CLK4: variants seen among roughly 807,000 people sequenced by gnomAD.
The protein encoded by CLK4 is CDC like kinase 4.
A neutral mutation model predicts 64.4 loss-of-function variants in CLK4; 37 were observed. The observed-to-expected ratio is 0.57, with a 90% CI of 0.44 to 0.76. The LOEUF is 0.76. Among genes scored for constraint, CLK4 ranks in the 30% least tolerant of loss-of-function variants. CLK4 has a pLI of 0.00. For missense variants in CLK4, 457 were observed against 605.1 expected (o/e 0.76, Z 2.57); for synonymous variants, 175 against 191.6 (o/e 0.91, Z 0.72).
In CLK4 at chr5:178,605,356, T is replaced by G. The variant is rs1764452677; in HGVS notation, c.1161A>C (p.Ala387=). The G allele has an allele frequency of 6.3e-7, 1 of 1,595,430 alleles. No individual in the cohort carries two copies. Among genetic ancestry groups the G allele is most frequent in the Non-Finnish European group, 8.5e-7 (1 of 1,173,574 alleles). Residue 387 remains alanine, a synonymous_variant, in exon 11 of 13, where the codon GCA becomes GCC. Coordinates refer to ENST00000316308, the MANE Select transcript of CLK4 (RefSeq NM_020666.3). The part of the protein sequence containing the change: ...FQTHDSKEHL[A]MMERILGPIP... Reference sequence around the variant, plus strand: ...TGGGTCCTAATATTCGTTCCATCATTGCCAGGTGCTCTTTACTATCATGAG... The same window carrying G: ...TGGGTCCTAATATTCGTTCCATCATGGCCAGGTGCTCTTTACTATCATGAG...
chr5:178,617,643 G>A lies in CLK4; in HGVS notation c.385-209C>T. The A allele has an allele frequency of 2.4e-6, 1 of 420,098 alleles. No homozygotes were observed. The highest frequency in any genetic ancestry group is 3.9e-6 in the Non-Finnish European group (1 of 255,870). The allele number at this position is 420,098 out of a possible 1,614,324, so 26.0% of individuals were successfully genotyped here. On this transcript the variant is annotated intron_variant, in intron 3 of 12. Transcript: ENST00000316308. This position sits in a 1 kb window ranked among gnomAD's most constrained non-coding sequence, Gnocchi z 5.2. The stretch of plus-strand genomic sequence containing the variant: ...ATGTTACAGAAGAAAAACATGGCAA[G>A]GAACAGATTTTCAGATAAGATACTT...
chr5:178,620,863 C>CA (rs1302912180), intron 2 of CLK4, among the ~76,000 whole-genome samples: 1 of 151,930 alleles, frequency 6.6e-6, no homozygotes, highest in African/African-American at 2.4e-5. Flanking sequence ...AGAATAATTA[C>CA]AAAAAAGATG....
At chr5:178,619,806 C>T in intron 2 of CLK4, 1 of 1,289,444 alleles carries the variant, frequency 7.8e-7, no homozygotes, top group South Asian at 1.2e-5. Context: ...GACATAGATT[C>T]AATTGGCCCA....
In CLK4 at chr5:178,618,603, G is replaced by C; in HGVS notation, c.337C>G (p.Pro113Ala). The C allele has an allele frequency of 5.6e-6, 9 of 1,613,990 alleles. No individual in the cohort carries two copies. The highest frequency in any genetic ancestry group is 7.6e-6 in the Non-Finnish European group (9 of 1,179,972). The change falls in exon 3 of 13, where the codon CCT (proline) becomes GCT (alanine). Residue 113 changes from proline (P) to alanine (A), a missense_variant. Transcript: ENST00000316308. ...CAGTGTCTATTGCGCTTCCTTTTAGGACTGCTTCTCCTGCTGCGGACTGAA... is the reference window on the plus strand; with the variant it reads ...CAGTGTCTATTGCGCTTCCTTTTAGCACTGCTTCTCCTGCTGCGGACTGAA... ...KSSVRSRRSS[P>A]KRKRNRHCSS... is the part of the protein sequence containing the mutation.
At chr5:178,625,901 G>A (rs1429885355) in intron 1 of CLK4, among the ~76,000 whole-genome samples, 1 of 152,202 alleles carries the variant, frequency 6.6e-6, no homozygotes, top group Admixed American at 6.5e-5. Flanking sequence ...CACGTTCTAC[G>A]TGGTAAGGTT....
chr5:178,620,568 ATT>A (rs1764695254), intron 2 of CLK4: 1 of 452,590 alleles, frequency 2.2e-6, no homozygotes, highest in Non-Finnish European at 4.4e-6. Flanking sequence ...GACTGATTTA[ATT>A]TTTTAAAATA....
At position 178,612,664 on chromosome 5, in the gene CLK4, A is replaced by G. The variant is rs187298625; in HGVS notation, c.922-119T>C. On this transcript the variant is annotated intron_variant, in intron 8 of 12. Transcript: ENST00000316308. ...CAAAGTAAGCTCATGAGAAAGGCAA[A>G]GAAGGATTACTTCTTTTTGGTTAAA... The G allele has an allele frequency of 2.5e-5, 30 of 1,204,778 alleles. No homozygotes were observed. The East Asian group carries it at 6.9e-4, about 28-fold the overall frequency. 74.6% of individuals were successfully genotyped at this position (1,204,778 alleles called of 1,614,324 possible). A position where few individuals can be genotyped will look rare whatever the true frequency, so the allele number is the denominator to read the frequency against.
chr5:178,625,209 G>T (rs778434734), intron 1 of CLK4, among the ~76,000 whole-genome samples: 25 of 152,012 alleles, frequency 1.6e-4, no homozygotes, highest in Non-Finnish European at 2.8e-4. Flanking sequence ...ACGCAGTGGC[G>T]CCTCATCCCT....
In CLK4 at chr5:178,603,541, A is replaced by G; in HGVS notation, c.*76T>C. The G allele has an allele frequency of 2.9e-6, 3 of 1,043,488 alleles. No homozygotes were observed. The highest frequency in any genetic ancestry group is 4.0e-6 in the Non-Finnish European group (3 of 750,752). 64.6% of individuals were successfully genotyped at this position (1,043,488 alleles called of 1,614,324 possible). On this transcript the variant is annotated 3_prime_UTR_variant, in exon 13 of 13. Coordinates refer to ENST00000316308, the MANE Select transcript of CLK4 (RefSeq NM_020666.3). ...ATAATTTAATGTTTACAAAAATATT[A>G]GAATGTTTAGTTGACTGACACAGTC...
At position 178,603,760 on chromosome 5, in the gene CLK4, G is replaced by A; in HGVS notation, c.1306-3C>T. On this transcript the variant is annotated splice_polypyrimidine_tract_variant and splice_region_variant and intron_variant, in intron 12 of 12. Coordinates refer to ENST00000316308, the MANE Select transcript of CLK4 (RefSeq NM_020666.3). The stretch of plus-strand genomic sequence containing the variant: ...TCATCATGACAAAGCATAAATTCCT[G>A]GGGGAGAAATGTTTTTGTTTTAAAA... The A allele has an allele frequency of 1.3e-6, 2 of 1,581,964 alleles. No homozygotes were observed. The highest frequency in any genetic ancestry group is 1.4e-5 in the African/African-American group (1 of 73,022).
intron 2 of CLK4, chr5:178,619,732 G>A (rs917411554): frequency 1.6e-6 from 2 of 1,234,112 alleles, no homozygotes; most frequent in South Asian, 1.3e-5. Flanking sequence ...GAATTTCAAA[G>A]GTCATGGGCC....
At position 178,618,612 on chromosome 5, in the gene CLK4, T is replaced by C. The variant is rs1445582523; in HGVS notation, c.328A>G (p.Arg110Gly). ...HCSKSSVRSR[R>G]SSPKRKRNRH... ...TTGCGCTTCCTTTTAGGACTGCTTC[T>C]CCTGCTGCGGACTGAAGATTTACTG... The change falls in exon 3 of 13, where the codon AGA (arginine) becomes GGA (glycine). Residue 110 changes from arginine (R) to glycine (G), a missense_variant. Physicochemically the swap from Arg to Gly is moderately radical, Grantham distance 125 (BLOSUM62 -2). Transcript: ENST00000316308. 5 of 1,614,006 alleles carry C rather than the reference T, an allele frequency of 3.1e-6. No homozygotes were observed. The highest frequency in any genetic ancestry group is 4.2e-6 in the Non-Finnish European group (5 of 1,179,986).
chr5:178,604,233 A>C, intron 11 of CLK4: 1 of 198,176 alleles, frequency 5.0e-6, no homozygotes. Flanking sequence ...TAGATCTAGA[A>C]TGGGGCTGGA....
At chr5:178,620,064 G>C (rs1764685080) in intron 2 of CLK4, 1 of 343,124 alleles carries the variant, frequency 2.9e-6, no homozygotes, top group Non-Finnish European at 6.1e-6. Context: ...AGAAATAGAA[G>C]CATCTTTACA....
In CLK4 at chr5:178,623,397, G is replaced by T; in HGVS notation, c.20C>A (p.Thr7Asn). The change falls in exon 2 of 13, where the codon ACT becomes AAT. Residue 7 changes from threonine (T) to asparagine (N), a missense_variant. Thr to Asn is a moderately conservative substitution (Grantham distance 65). Transcript: ENST00000316308. Reference sequence around the variant, plus strand: ...TCTGCTATCCCAATCAGGACAGTGAGTTCTTTTGGAATGCCGCATCTGTTG... The same window carrying T: ...TCTGCTATCCCAATCAGGACAGTGATTTCTTTTGGAATGCCGCATCTGTTG... Reference protein sequence around the residue: MRHSKRTHCPDWDSRES... With the variant: MRHSKRNHCPDWDSRES... 6.2e-7 allele frequency: 1 copy of T among 1,611,150 alleles called. No individual in the cohort carries two copies. Among genetic ancestry groups the T allele is most frequent in the Non-Finnish European group, 8.5e-7 (1 of 1,179,160 alleles).
chr5:178,613,282 A>G (rs1288425783), intron 7 of CLK4, among the ~76,000 whole-genome samples, 191 bp downstream of exon 7: 2 of 152,140 alleles, frequency 1.3e-5, no homozygotes, highest in Admixed American at 6.5e-5. Flanking sequence ...TTAGCTGGGC[A>G]TGGTGGTGGG....
rs963274859 is a variant in CLK4 at position 178,623,372 on chromosome 5, T to C, written c.45A>G (p.Arg15=). The C allele has an allele frequency of 3.1e-6, 5 of 1,613,992 alleles. No homozygotes were observed. The highest frequency in any genetic ancestry group is 4.2e-6 in the Non-Finnish European group (5 of 1,179,998). The change falls in exon 2 of 13, where the codon AGA becomes AGG. Residue 15 remains arginine (R), a synonymous_variant. Transcript: ENST00000316308. ...GATAGCTTTCATGTCCCCAGCTTTC[T>C]CTGCTATCCCAATCAGGACAGTGAG... The part of the protein sequence containing the change: ...KRTHCPDWDS[R]ESWGHESYRG...
chr5:178,620,586 T>A, intron 2 of CLK4: 1 of 455,794 alleles, frequency 2.2e-6, no homozygotes, highest in Non-Finnish European at 4.4e-6. Context: ...AAATATCCAC[T>A]GAATGCCCAG....
intron 10 of CLK4, among the ~76,000 whole-genome samples, chr5:178,607,124 A>T (rs1373542679): frequency 2.9e-5 from 4 of 138,810 alleles, no homozygotes; most frequent in African/African-American, 5.1e-5. Flanking sequence ...AAGAGACATT[A>T]AAAAAAAAAA....
Sources: gnomAD v4.1 joint callset for allele counts (sites outside exome capture counted in the v4.1 genomes callset) on GRCh38, gnomAD v4.1.1 for gene constraint, Gnocchi (gnomAD v3.1) non-coding constraint, MANE v1.5 for transcripts, NCBI Gene and HGNC (gene_info 2026-07-23, HGNC 2026-07-21) for gene names.